The following SCHIP1 variants were observed in gnomAD, a reference collection of about 807,000 sequenced individuals.
SCHIP1 encodes the protein schwannomin-interacting protein 1.
In SCHIP1, 8 loss-of-function variants were observed where a neutral mutation model predicts 29.7. The ratio of observed to expected loss-of-function variants is 0.27; its 90% CI spans 0.16 to 0.49. The LOEUF is 0.49. Ranked by LOEUF, SCHIP1 falls within the 20% of genes least tolerant of loss-of-function variation. SCHIP1 has a pLI of 0.99. For missense variants in SCHIP1, 193 were observed against 294.6 expected, an observed-to-expected ratio of 0.66 and a Z score of 2.52; for synonymous variants, 76 against 94.9, an observed-to-expected ratio of 0.80 and a Z score of 1.16.
At chr3:159,279,934 T>C in the SCHIP1 span, among the ~76,000 whole-genome samples, 102 of 152,246 alleles carry the variant, frequency 6.7e-4, no homozygotes, top group Non-Finnish European at 1.1e-3. Context: ...CCCTCACTTT[T>C]CTGAGACACT....
At chr3:159,451,756 G>T in the SCHIP1 span, among the ~76,000 whole-genome samples, 1 of 152,082 alleles carries the variant, frequency 6.6e-6, no homozygotes, top group East Asian at 1.9e-4. Flanking sequence ...AATAATGCAC[G>T]TAGAGACTCA....
chr3:159,782,451 T>C, the SCHIP1 span, among the ~76,000 whole-genome samples: 2 of 152,238 alleles, frequency 1.3e-5, no homozygotes, highest in Non-Finnish European at 2.9e-5. Flanking sequence ...CATCTGAATA[T>C]CTGTTATCTC....
chr3:159,728,423 G>A, the SCHIP1 span, among the ~76,000 whole-genome samples: 10 of 152,292 alleles, frequency 6.6e-5, no homozygotes, highest in Non-Finnish European at 8.8e-5. Context: ...AGTCTAGAGG[G>A]TGCTATACTA....
the SCHIP1 span, among the ~76,000 whole-genome samples, chr3:159,794,969 A>G: frequency 6.6e-6 from 1 of 152,134 alleles, no homozygotes; most frequent in South Asian, 2.1e-4. Context: ...TTCTGATTTG[A>G]TTGGCCTGGG....
chr3:159,572,705 A>G, the SCHIP1 span, among the ~76,000 whole-genome samples: 1 of 152,132 alleles, frequency 6.6e-6, no homozygotes, highest in Non-Finnish European at 1.5e-5. Flanking sequence ...TCTGATATTG[A>G]CAGTGGGGTG....
chr3:159,636,389 C>A, the SCHIP1 span, among the ~76,000 whole-genome samples: 1 of 152,172 alleles, frequency 6.6e-6, no homozygotes, highest in Non-Finnish European at 1.5e-5. Context: ...ACAAGAGAAT[C>A]AAACCATAAG....
At chr3:159,712,826 GAGAAAGAAAGAA>G in the SCHIP1 span, among the ~76,000 whole-genome samples, 3 of 148,594 alleles carry the variant, frequency 2.0e-5, no homozygotes, top group Non-Finnish European at 3.0e-5. Flanking sequence ...AGAAAGAAGA[GAGAAAGAAAGAA>G]AGAAAGAAAG....
the SCHIP1 span, among the ~76,000 whole-genome samples, chr3:159,723,538 G>A: frequency 1.1e-4 from 16 of 152,140 alleles, no homozygotes; most frequent in Non-Finnish European, 2.2e-4. Context: ...ATTGCATGAT[G>A]TCAGAGTTTG....
At chr3:159,656,055 G>T in the SCHIP1 span, among the ~76,000 whole-genome samples, 3 of 152,170 alleles carry the variant, frequency 2.0e-5, no homozygotes, top group African/African-American at 7.2e-5. Context: ...AGCTGTGGAT[G>T]GCCTGGCTGT....
the SCHIP1 span, among the ~76,000 whole-genome samples, chr3:159,602,913 C>T: frequency 1.3e-5 from 2 of 152,102 alleles, no homozygotes; most frequent in African/African-American, 2.4e-5. Flanking sequence ...GGGTGTTCCC[C>T]GATTCAACTC....
chr3:159,318,990 C>T, the SCHIP1 span, among the ~76,000 whole-genome samples: 4 of 152,260 alleles, frequency 2.6e-5, no homozygotes, highest in Admixed American at 2.6e-4. Flanking sequence ...ATCCTAGAGG[C>T]CTCTGCTGTG....
At chr3:159,659,843 AT>A in the SCHIP1 span, among the ~76,000 whole-genome samples, 3 of 152,014 alleles carry the variant, frequency 2.0e-5, no homozygotes, top group African/African-American at 4.8e-5. Flanking sequence ...TAAGACACCG[AT>A]TTTTTTCCCC....
the SCHIP1 span, chr3:159,273,419 A>T: frequency 9.9e-7 from 1 of 1,014,364 alleles, no homozygotes; most frequent in Middle Eastern, 5.0e-4. Flanking sequence ...ATCAGATGAT[A>T]GCATGAAGTG....
At chr3:159,588,313 G>T in the SCHIP1 span, among the ~76,000 whole-genome samples, 1 of 151,632 alleles carries the variant, frequency 6.6e-6, no homozygotes, top group African/African-American at 2.4e-5. Context: ...TTTGAATGAG[G>T]TTGTTTTTTT....
At chr3:159,496,692 T>G in the SCHIP1 span, among the ~76,000 whole-genome samples, 20 of 152,318 alleles carry the variant, frequency 1.3e-4, no homozygotes, top group Non-Finnish European at 2.4e-4. Flanking sequence ...TGGAAGTCAG[T>G]GTGGCGATTT....
the SCHIP1 span, among the ~76,000 whole-genome samples, chr3:159,317,579 A>G: frequency 6.6e-6 from 1 of 152,184 alleles, no homozygotes; most frequent in Admixed American, 6.5e-5. Context: ...CCAGCCCTGC[A>G]AAGTATTGTC....
the SCHIP1 span, among the ~76,000 whole-genome samples, chr3:159,492,888 C>T: frequency 4.6e-5 from 7 of 152,340 alleles, no homozygotes; most frequent in South Asian, 2.1e-4. Flanking sequence ...GCCCATCAGA[C>T]TAACAGCTGA....
chr3:159,415,203 G>T, the SCHIP1 span, among the ~76,000 whole-genome samples: 1 of 88,294 alleles, frequency 1.1e-5, no homozygotes, highest in East Asian at 3.1e-4. Flanking sequence ...ATTAGTTTGG[G>T]CACTTAATAG....
chr3:159,288,187 G>A, the SCHIP1 span, among the ~76,000 whole-genome samples: 2 of 152,248 alleles, frequency 1.3e-5, no homozygotes, highest in East Asian at 1.9e-4. Flanking sequence ...CAGTCTATGT[G>A]CAGGCTGTAA....
Sources: gnomAD v4.1 joint callset for allele counts (sites outside exome capture counted in the v4.1 genomes callset) on GRCh38, gnomAD v4.1.1 for gene constraint, MANE v1.5 for transcripts, NCBI Gene and HGNC (gene_info 2026-07-23, HGNC 2026-07-21) for gene names.